The following GSE1 variants were observed in gnomAD, a reference collection of about 807,000 sequenced individuals.
The protein encoded by GSE1 is genetic suppressor element 1.
A neutral mutation model predicts 112.6 loss-of-function variants in GSE1; 32 were observed. The observed-to-expected ratio is 0.28, with a 90% CI of 0.21 to 0.38. GSE1 has a LOEUF of 0.38. GSE1 is among the 10% of genes least tolerant of loss of function. The pLI, the probability that GSE1 is intolerant of heterozygous loss-of-function variation, is 1.00. For synonymous variants in GSE1, 1,115 were observed against 735.6 expected (o/e 1.52, Z -8.35); for missense variants, 2,348 against 1,699.2 (o/e 1.38, Z -6.71).
chr16:85,542,062 C>T (rs1394986086), intron 2 of GSE1, among the ~76,000 whole-genome samples: 1 of 152,090 alleles, frequency 6.6e-6, no homozygotes, highest in Non-Finnish European at 1.5e-5. Context: ...CAGGCCTCTG[C>T]CTTCAGCTGC....
At chr16:85,668,506 C>T (rs1007886360) in intron 14 of GSE1, 82 bp downstream of exon 14, 16 of 899,144 alleles carry the variant, frequency 1.8e-5, no homozygotes, top group East Asian at 7.5e-5. Context: ...TTCATGCAGA[C>T]CTCTGCCAGC....
chr16:85,246,434 TACAC>T (rs141045364), intron 1 of GSE1, among the ~76,000 whole-genome samples: 1,154 of 44,420 alleles, frequency 0.026, 85 homozygotes, highest in Admixed American at 0.16. Flanking sequence ...CCATGCTCTC[TACAC>T]ACACACACAC....
intron 1 of GSE1, among the ~76,000 whole-genome samples, chr16:85,200,735 G>A (rs1195127771): frequency 6.6e-6 from 1 of 152,222 alleles, no homozygotes; most frequent in Non-Finnish European, 1.5e-5. Context: ...TTTTTGTCGT[G>A]CTAAGATGAC....
At chr16:85,517,875 G>A (rs1454704375) in intron 2 of GSE1, among the ~76,000 whole-genome samples, 3 of 152,240 alleles carry the variant, frequency 2.0e-5, no homozygotes, top group South Asian at 4.1e-4. Flanking sequence ...GCGTGGTCGC[G>A]AAAGGCCTTG....
At chr16:85,565,639 T>A (rs1272014017) in intron 1 of GSE1, among the ~76,000 whole-genome samples, 1 of 151,796 alleles carries the variant, frequency 6.6e-6, no homozygotes, top group Admixed American at 6.5e-5. Flanking sequence ...TCCTGTGGAG[T>A]CTGCATGTTC....
In GSE1 at chr16:85,672,629, T is replaced by G; in HGVS notation, c.*90T>G. 1 of 941,312 alleles carries G rather than the reference T, an allele frequency of 1.1e-6. No homozygotes were observed. The allele number at this position is 941,312 out of a possible 1,614,324, so 58.3% of individuals were successfully genotyped here. On this transcript the variant is annotated 3_prime_UTR_variant, in exon 16 of 16. Transcript: ENST00000253458. ...ATTTAATATTTTTCACTGGGAGGTT[T>G]GAAGCTTACAAAATGAGAATGTGCC...
chr16:85,633,858 G>C, intron 1 of GSE1, 56 bp from the exon 2 acceptor site: 1 of 1,414,444 alleles, frequency 7.1e-7, no homozygotes, highest in Non-Finnish European at 9.9e-7. Flanking sequence ...ACCCTGCTCT[G>C]GTGCTGGGCG....
At chr16:85,396,275 G>T (rs1165618424) in intron 2 of GSE1, among the ~76,000 whole-genome samples, 3 of 152,244 alleles carry the variant, frequency 2.0e-5, no homozygotes, top group Non-Finnish European at 4.4e-5. Flanking sequence ...TGCTGCCCAG[G>T]CACTGGGGCG....
At chr16:85,262,255 C>T (rs1225482109) in intron 1 of GSE1, among the ~76,000 whole-genome samples, 1 of 152,266 alleles carries the variant, frequency 6.6e-6, no homozygotes, top group Non-Finnish European at 1.5e-5. Context: ...CTGCTTCCTT[C>T]TGCCTCTCAG....
At position 85,537,261 on chromosome 16, in the gene GSE1, T is replaced by C. The variant is rs191580566; in HGVS notation, c.2465-96653T>C. ...CCCCATGACAACAGACCATCAAGGA[T>C]GGGCTGTGTGAAGAGGAGCCGATCC... is the stretch of plus-strand genomic sequence containing the variant. On this transcript the variant is annotated intron_variant, in intron 2 of 2. Coordinates refer to the GSE1 transcript ENST00000637419. Among the ~76,000 whole-genome samples the C allele has an allele frequency of 7.0e-3, 1,062 of 152,282 alleles. 11 individuals are homozygous for C. The highest frequency in any genetic ancestry group is 0.025 in the African/African-American group (1,033 of 41,566).
intron 2 of GSE1, among the ~76,000 whole-genome samples, chr16:85,640,067 C>A (rs1027903507): frequency 3.3e-5 from 5 of 152,178 alleles, no homozygotes; most frequent in Non-Finnish European, 5.9e-5. Flanking sequence ...GCTGGAGAGC[C>A]GCCGTCTGGA....
At chr16:85,647,463 A>G (rs1410675556) in intron 2 of GSE1, among the ~76,000 whole-genome samples, 4 of 152,182 alleles carry the variant, frequency 2.6e-5, no homozygotes, top group Non-Finnish European at 5.9e-5. Flanking sequence ...TTAAAAATAA[A>G]TGGATCTTTT....
intron 2 of GSE1, among the ~76,000 whole-genome samples, chr16:85,532,604 C>CCT (rs1266950716): frequency 2.0e-5 from 3 of 152,078 alleles, no homozygotes; most frequent in Non-Finnish European, 2.9e-5. Context: ...CCCTACATGC[C>CCT]ACGTCTGTGT....
At chr16:85,619,706 C>T (rs750062319) in intron 1 of GSE1, among the ~76,000 whole-genome samples, 4 of 152,152 alleles carry the variant, frequency 2.6e-5, no homozygotes, top group African/African-American at 4.8e-5. Context: ...ATGAGGGTCA[C>T]GCCGTGGGCT....
chr16:85,572,096 C>CCACA (rs1422132066), intron 1 of GSE1, among the ~76,000 whole-genome samples: 1 of 150,088 alleles, frequency 6.7e-6, no homozygotes, highest in South Asian at 2.1e-4. Context: ...ACCCCACATA[C>CCACA]CACACACACA....
intron 1 of GSE1, among the ~76,000 whole-genome samples, chr16:85,289,024 C>T (rs981895983): frequency 2.0e-5 from 3 of 152,200 alleles, no homozygotes; most frequent in Non-Finnish European, 4.4e-5. Context: ...CTCACCTCCA[C>T]CTGCCAGGTC....
chr16:85,511,129 G>A (rs1228423041), intron 2 of GSE1, among the ~76,000 whole-genome samples: 3 of 152,198 alleles, frequency 2.0e-5, no homozygotes, highest in Non-Finnish European at 4.4e-5. Context: ...GATGGAAGAG[G>A]TGCTGACCAA....
chr16:85,227,230 G>A (rs2075504800), intron 1 of GSE1, among the ~76,000 whole-genome samples: 1 of 152,186 alleles, frequency 6.6e-6, no homozygotes, highest in Non-Finnish European at 1.5e-5. Context: ...CTATCAGAGA[G>A]CTCCAGTCTG....
In GSE1 at chr16:85,596,917, T is replaced by C. The variant is rs182515201; in HGVS notation, c.37+40554T>C. Among the ~76,000 whole-genome samples the C allele has an allele frequency of 2.5e-3, 379 of 152,148 alleles. 2 individuals carry two copies. The highest frequency in any genetic ancestry group is 8.8e-3 in the African/African-American group (365 of 41,544). On this transcript the variant is annotated intron_variant, in intron 1 of 2. Transcript: ENST00000635906. ...TGGGCGTGGTGGCACACACCTGTAA[T>C]CCCAGCTACTTGGGAGGCTGAGGCA...
Sources: gnomAD v4.1 joint callset for allele counts (sites outside exome capture counted in the v4.1 genomes callset) on GRCh38, gnomAD v4.1.1 for gene constraint, MANE v1.5 for transcripts, NCBI Gene and HGNC (gene_info 2026-07-23, HGNC 2026-07-21) for gene names.